Variants in CNTN5 observed in about 807,000 individuals in gnomAD.
CNTN5 encodes contactin 5.
A neutral mutation model predicts 129.1 loss-of-function variants in CNTN5; 77 were observed. That is an observed-to-expected ratio of 0.60 (90% CI 0.50 to 0.72). CNTN5 has a LOEUF of 0.72. CNTN5 is among the 30% of genes least tolerant of loss of function. The probability of loss-of-function intolerance (pLI) is 0.00; values close to 1 mark genes in which losing one functional copy is unlikely to be tolerated. For synonymous variants in CNTN5, 509 were observed against 465.6 expected, an observed-to-expected ratio of 1.09 and a Z score of -1.20; for missense variants, 1,478 against 1,328.8, an observed-to-expected ratio of 1.11 and a Z score of -1.75.
At chr11:100,289,928 C>T (rs1157238827) in intron 18 of CNTN5, among the ~76,000 whole-genome samples, 2 of 151,488 alleles carry the variant, frequency 1.3e-5, no homozygotes, top group African/African-American at 4.9e-5. Context: ...GATACAAAAT[C>T]AATGTGCAAA....
chr11:100,297,116 A>T (rs1467373588), intron 18 of CNTN5, among the ~76,000 whole-genome samples: 7 of 151,518 alleles, frequency 4.6e-5, no homozygotes, highest in Non-Finnish European at 1.0e-4. Context: ...CAGATTTTTT[A>T]AAATGTTTAT....
At chr11:100,342,649 C>CT (rs1952191845) in intron 23 of CNTN5, among the ~76,000 whole-genome samples, 1 of 152,162 alleles carries the variant, frequency 6.6e-6, no homozygotes, top group African/African-American at 2.4e-5. Context: ...TTATATATGA[C>CT]TGTCTCCCCA....
chr11:100,055,262 A>G (rs945845520), intron 9 of CNTN5, among the ~76,000 whole-genome samples: 20 of 151,800 alleles, frequency 1.3e-4, no homozygotes, highest in Admixed American at 7.9e-4. Context: ...AAAGAACTTC[A>G]GGACACATTA....
intron 16 of CNTN5, chr11:100,225,498 T>C (rs1949352712): frequency 6.6e-6 from 1 of 152,176 alleles, no homozygotes; most frequent in Non-Finnish European, 1.5e-5. Context: ...CCTTCTTTCT[T>C]CCCTGCCTCT....
intron 8 of CNTN5, among the ~76,000 whole-genome samples, chr11:99,975,276 A>G (rs1472308745): frequency 6.6e-6 from 1 of 151,960 alleles, no homozygotes. Context: ...GTCATTGGAG[A>G]TTATTTTGGA....
chr11:100,079,506 C>T (rs1264618765), intron 13 of CNTN5, among the ~76,000 whole-genome samples: 2 of 152,162 alleles, frequency 1.3e-5, no homozygotes. Flanking sequence ...CTATTTCTAG[C>T]TCAATGTCTT....
chr11:99,624,454 C>G (rs1385508380), intron 3 of CNTN5, among the ~76,000 whole-genome samples: 1 of 152,082 alleles, frequency 6.6e-6, no homozygotes, highest in Non-Finnish European at 1.5e-5. Context: ...GAGCTCACTT[C>G]AAATAATGTT....
chr11:100,241,395 A>G (rs622451), intron 16 of CNTN5, among the ~76,000 whole-genome samples: 129,782 of 152,176 alleles, frequency 0.85, 55,394 homozygotes, highest in East Asian at 0.95. Context: ...GGAAATCTTG[A>G]TTAATTTACC....
chr11:99,398,822 C>G (rs964594178), intron 2 of CNTN5, among the ~76,000 whole-genome samples: 2 of 151,852 alleles, frequency 1.3e-5, no homozygotes, highest in African/African-American at 4.8e-5. Context: ...CAGCTGTGGG[C>G]AGCTATGTGC....
chr11:99,884,966 C>T (rs575371132), intron 6 of CNTN5, among the ~76,000 whole-genome samples: 9 of 152,078 alleles, frequency 5.9e-5, no homozygotes, highest in African/African-American at 1.7e-4. Context: ...GACAGAGCGA[C>T]ACCCCATCTC....
intron 2 of CNTN5, among the ~76,000 whole-genome samples, chr11:99,377,437 A>G (rs1940252124): frequency 6.6e-6 from 1 of 151,894 alleles, no homozygotes; most frequent in African/African-American, 2.4e-5. Flanking sequence ...ATCTTTCTCA[A>G]AGGCTTTAGT....
intron 15 of CNTN5, among the ~76,000 whole-genome samples, chr11:100,209,413 T>C (rs1305710928): frequency 6.6e-6 from 1 of 152,238 alleles, no homozygotes; most frequent in Non-Finnish European, 1.5e-5. Flanking sequence ...TGAATTAAGT[T>C]CAGCCAGACA....
At chr11:100,297,797 A>G (rs1371979491) in intron 19 of CNTN5, 102 bp downstream of exon 19, 2 of 890,342 alleles carry the variant, frequency 2.2e-6, no homozygotes, top group African/African-American at 3.4e-5. Flanking sequence ...ATTCATTTAG[A>G]GGCTAAAAAC....
chr11:99,231,102 T>C (rs1233348181), intron 1 of CNTN5, among the ~76,000 whole-genome samples: 1 of 152,230 alleles, frequency 6.6e-6, no homozygotes, highest in Non-Finnish European at 1.5e-5. Flanking sequence ...TGAATAGTAC[T>C]GCAATAAATA....
At chr11:99,687,186 G>A (rs529669776) in intron 3 of CNTN5, among the ~76,000 whole-genome samples, 3 of 152,014 alleles carry the variant, frequency 2.0e-5, no homozygotes, top group African/African-American at 7.2e-5. Flanking sequence ...ATTTAGTTGG[G>A]TATTATAACA....
intron 1 of CNTN5, among the ~76,000 whole-genome samples, chr11:99,242,095 T>A (rs1434546442): frequency 2.0e-5 from 3 of 152,142 alleles, no homozygotes; most frequent in Non-Finnish European, 4.4e-5. Flanking sequence ...CAAAATAAAA[T>A]GTATATAATA....
chr11:99,222,079 T>A (rs1038978726), intron 1 of CNTN5, among the ~76,000 whole-genome samples: 1 of 152,092 alleles, frequency 6.6e-6, no homozygotes, highest in East Asian at 1.9e-4. Context: ...GTCACATGTA[T>A]TTAGATTTAC....
intron 2 of CNTN5, among the ~76,000 whole-genome samples, chr11:99,419,308 C>G (rs757017991): frequency 2.0e-5 from 3 of 151,978 alleles, no homozygotes; most frequent in Non-Finnish European, 4.4e-5. Flanking sequence ...TACTCATTTT[C>G]TAGAGCTTGG....
chr11:100,176,113 G>A (rs7937302), intron 13 of CNTN5, among the ~76,000 whole-genome samples: 4,708 of 151,946 alleles, frequency 0.031, 245 homozygotes, highest in African/African-American at 0.11. Flanking sequence ...TCTGCCTTCC[G>A]GTTCCAAGTG....
Sources: gnomAD v4.1 joint callset for allele counts (sites outside exome capture counted in the v4.1 genomes callset) on GRCh38, gnomAD v4.1.1 for gene constraint, MANE v1.5 for transcripts, NCBI Gene and HGNC (gene_info 2026-07-23, HGNC 2026-07-21) for gene names.